Variants in GRK7 observed in about 807,000 individuals in gnomAD.
GRK7 encodes the protein G protein-coupled receptor kinase 7.
Under a neutral mutation model 34.1 loss-of-function variants are expected in GRK7, and 24 were observed. The observed-to-expected ratio is 0.70, with a 90% CI of 0.51 to 0.99. GRK7 has a LOEUF of 0.99. Ranked by LOEUF, GRK7 falls within the 50% of genes least tolerant of loss-of-function variation. The pLI is 0.00. For synonymous variants in GRK7, 256 were observed against 279.4 expected (o/e 0.92, Z 0.84); for missense variants, 644 against 707.3 (o/e 0.91, Z 1.02).
chr3:141,763,029 C>T (rs1025755045), upstream of GRK7, among the ~76,000 whole-genome samples: 1 of 152,248 alleles, frequency 6.6e-6, no homozygotes, highest in Non-Finnish European at 1.5e-5. Flanking sequence ...CACTGTCTGG[C>T]ACTCCCTAGT....
chr3:141,769,051 C>T (rs1472554862), intron 1 of GRK7, among the ~76,000 whole-genome samples: 1 of 152,098 alleles, frequency 6.6e-6, no homozygotes, highest in Admixed American at 6.5e-5. Context: ...CACCTACTCC[C>T]CTATGACTCC....
intron 4 of GRK7, among the ~76,000 whole-genome samples, chr3:141,787,747 C>T (rs561655085): frequency 6.6e-6 from 1 of 152,136 alleles, no homozygotes; most frequent in African/African-American, 2.4e-5. Context: ...GTGACTCACG[C>T]CTGTAATCCC....
chr3:141,796,385 C>T (rs1039813812), intron 4 of GRK7, among the ~76,000 whole-genome samples: 5 of 152,204 alleles, frequency 3.3e-5, no homozygotes, highest in Admixed American at 2.0e-4. Context: ...AATGCCTAGC[C>T]GAGGGTCAGC....
At chr3:141,812,738 T>C (rs1327075070) in intron 5 of GRK7, among the ~76,000 whole-genome samples, 2 of 152,208 alleles carry the variant, frequency 1.3e-5, no homozygotes, top group Non-Finnish European at 2.9e-5. Context: ...TGAGACGCCA[T>C]GTGAGAACTG....
chr3:141,774,804 ATT>A (rs1337505954), intron 2 of GRK7, among the ~76,000 whole-genome samples, 124 bp downstream of exon 2: 7 of 103,508 alleles, frequency 6.8e-5, no homozygotes, highest in Non-Finnish European at 1.3e-4. Context: ...TATTATTATT[ATT>A]ATTATTATTA....
Position 141,780,463 on chromosome 3 carries a change from G to C in GRK7, c.702G>C (p.Lys234Asn), listed in dbSNP as rs974495658. Residue 234 changes from lysine to asparagine, a missense_variant, in exon 4 of 6, where the codon AAG becomes AAC. Transcript: ENST00000682958. Reference protein sequence around the residue: ...KKRLKKKGGEKMALLEKEILE... With the variant: ...KKRLKKKGGENMALLEKEILE... ...GGCTGAAGAAGAAAGGTGGCGAGAA[G>C]ATGGCTCTCTTGGAAAAGGAAATCT... is the stretch of plus-strand genomic sequence containing the variant. 6.2e-7 allele frequency: 1 copy of C among 1,614,120 alleles called. No homozygotes were observed. Among genetic ancestry groups the C allele is most frequent in the Non-Finnish European group, 8.5e-7 (1 of 1,180,056 alleles).
At chr3:141,797,575 C>T (rs1418825318) in intron 4 of GRK7, among the ~76,000 whole-genome samples, 6 of 152,198 alleles carry the variant, frequency 3.9e-5, no homozygotes, top group Admixed American at 3.3e-4. Flanking sequence ...GCAAACAAAA[C>T]ATGTACATTC....
At chr3:141,794,292 C>A (rs1445393440) in intron 4 of GRK7, among the ~76,000 whole-genome samples, 1 of 152,216 alleles carries the variant, frequency 6.6e-6, no homozygotes, top group African/African-American at 2.4e-5. Flanking sequence ...TGTCCATGGG[C>A]ACTGGAAACT....
chr3:141,790,868 T>A (rs1372019769), intron 4 of GRK7, among the ~76,000 whole-genome samples: 2 of 152,120 alleles, frequency 1.3e-5, no homozygotes, highest in Non-Finnish European at 2.9e-5. Flanking sequence ...CCGGTCAACA[T>A]GCACTTTTAA....
chr3:141,816,756 G>T lies in GRK7; in HGVS notation c.1368G>T (p.Thr456=), dbSNP rs762291728. 1 of 1,557,656 alleles carries T rather than the reference G, an allele frequency of 6.4e-7. No individual in the cohort carries two copies. Among genetic ancestry groups the T allele is most frequent in the Non-Finnish European group, 8.7e-7 (1 of 1,152,712 alleles). ...DDPRKHHFFK[T]INFPRLEAGL... ...CCAGGAAACATCATTTCTTTAAAACGATCAACTTTCCTCGCCTGGAAGCTG... is the reference window on the plus strand; with the variant it reads ...CCAGGAAACATCATTTCTTTAAAACTATCAACTTTCCTCGCCTGGAAGCTG... The change falls in exon 6 of 6, where the codon ACG becomes ACT. Residue 456 remains threonine, a synonymous_variant. Transcript: ENST00000682958.
intron 4 of GRK7, among the ~76,000 whole-genome samples, chr3:141,786,824 G>T (rs1201905418): frequency 1.3e-5 from 2 of 151,500 alleles, no homozygotes; most frequent in African/African-American, 4.8e-5. Flanking sequence ...TTCATCAAAA[G>T]AGAAATTATC....
chr3:141,812,216 G>C (rs889773146), intron 5 of GRK7, among the ~76,000 whole-genome samples: 1 of 152,108 alleles, frequency 6.6e-6, no homozygotes, highest in African/African-American at 2.4e-5. Context: ...CTCTGTTAAT[G>C]CTCTGAAATA....
chr3:141,781,516 G>A (rs1225696261), intron 4 of GRK7, among the ~76,000 whole-genome samples: 6 of 145,492 alleles, frequency 4.1e-5, no homozygotes, highest in Admixed American at 7.1e-5. Flanking sequence ...CAGCCTGCTC[G>A]ACAGAGCAAG....
At chr3:141,797,968 C>A (rs1298217418) in intron 4 of GRK7, among the ~76,000 whole-genome samples, 1 of 152,188 alleles carries the variant, frequency 6.6e-6, no homozygotes, top group Non-Finnish European at 1.5e-5. Context: ...GAAGCCCCTC[C>A]ATGTTCTCTG....
intron 5 of GRK7, among the ~76,000 whole-genome samples, chr3:141,810,797 G>A (rs922750335): frequency 3.3e-5 from 5 of 152,090 alleles, no homozygotes; most frequent in African/African-American, 7.2e-5. Flanking sequence ...TCCTGCCTAC[G>A]GGTAAGGGTG....
At chr3:141,795,806 A>G (rs1018456520) in intron 4 of GRK7, among the ~76,000 whole-genome samples, 1 of 152,078 alleles carries the variant, frequency 6.6e-6, no homozygotes, top group Non-Finnish European at 1.5e-5. Flanking sequence ...TTGGAATTAC[A>G]TCAAAGAGAA....
chr3:141,816,250 G>A (rs1711152131), intron 5 of GRK7, among the ~76,000 whole-genome samples: 1 of 152,098 alleles, frequency 6.6e-6, no homozygotes, highest in Admixed American at 6.6e-5. Context: ...GAGGTAAGTG[G>A]GGCTTGTAGA....
chr3:141,817,173 A>G lies in GRK7; in HGVS notation c.*123A>G. 1.4e-6 allele frequency: 1 copy of G among 693,760 alleles called. No individual in the cohort carries two copies. Among genetic ancestry groups the G allele is most frequent in the Non-Finnish European group, 2.4e-6 (1 of 423,108 alleles). 43.0% of individuals were successfully genotyped at this position (693,760 alleles called of 1,614,324 possible). A position where few individuals can be genotyped will look rare whatever the true frequency, so the allele number is the denominator to read the frequency against. On this transcript the variant is annotated 3_prime_UTR_variant, in exon 6 of 6. Transcript: ENST00000682958. Reference sequence around the variant, plus strand: ...GGAGGGACATCACAACCACAAAACAATTCAAAAGACAGGCAAGCTCACTAC... The same window carrying G: ...GGAGGGACATCACAACCACAAAACAGTTCAAAAGACAGGCAAGCTCACTAC...
chr3:141,750,657 G>C, the GRK7 span, among the ~76,000 whole-genome samples: 3 of 151,988 alleles, frequency 2.0e-5, no homozygotes, highest in Non-Finnish European at 4.4e-5. Context: ...TTTTAAGAAA[G>C]GAATATTGTT....
Sources: allele counts gnomAD v4.1 joint callset (sites outside exome capture counted in the v4.1 genomes callset), GRCh38; gene constraint gnomAD v4.1.1; transcripts MANE v1.5; gene names NCBI Gene and HGNC (gene_info 2026-07-23, HGNC 2026-07-21).